Variants in GRID2 observed in about 807,000 individuals in gnomAD.
GRID2 encodes glutamate ionotropic receptor delta type subunit 2.
A neutral mutation model predicts 114.8 loss-of-function variants in GRID2; 33 were observed. The observed-to-expected ratio is 0.29, with a 90% CI of 0.22 to 0.38. The LOEUF (loss-of-function observed/expected upper bound fraction) is 0.38. Ranked by LOEUF, GRID2 falls within the 10% of genes least tolerant of loss-of-function variation. GRID2 has a pLI of 1.00. For synonymous variants in GRID2, 505 were observed against 449.9 expected, an observed-to-expected ratio of 1.12 and a Z score of -1.55; for missense variants, 1,184 against 1,257.7, an observed-to-expected ratio of 0.94 and a Z score of 0.89.
intron 1 of GRID2, among the ~76,000 whole-genome samples, chr4:92,380,299 G>GA (rs563466258): frequency 8.7e-5 from 13 of 149,622 alleles, no homozygotes; most frequent in East Asian, 3.9e-4. Context: ...TATTCCAAAT[G>GA]AAAAAAAAAT....
intron 9 of GRID2, among the ~76,000 whole-genome samples, chr4:93,412,497 A>T (rs72884557): frequency 2.3e-3 from 357 of 152,318 alleles, no homozygotes; most frequent in African/African-American, 8.1e-3. Flanking sequence ...ATACTTGTGC[A>T]CATTTATGCT....
At chr4:93,172,179 G>A (rs1307073489) in intron 4 of GRID2, among the ~76,000 whole-genome samples, 1 of 152,128 alleles carries the variant, frequency 6.6e-6, no homozygotes, top group Non-Finnish European at 1.5e-5. Flanking sequence ...CATTACCAGT[G>A]ATGTGTTCTT....
chr4:93,514,422 T>TACAAACAC (rs1729490375), intron 12 of GRID2, among the ~76,000 whole-genome samples: 1 of 139,662 alleles, frequency 7.2e-6, no homozygotes, highest in Non-Finnish European at 1.5e-5. Flanking sequence ...ACCTCCACAG[T>TACAAACAC]ACACACACAC....
At chr4:93,170,856 T>C (rs1738743688) in intron 4 of GRID2, among the ~76,000 whole-genome samples, 1 of 144,820 alleles carries the variant, frequency 6.9e-6, no homozygotes, top group Admixed American at 6.9e-5. Flanking sequence ...GTTTGATTCT[T>C]TTTTTTTTTT....
Position 93,340,465 on chromosome 4 carries a change from C to T in GRID2, c.1246-55142C>T, listed in dbSNP as rs997065084. On this transcript the variant is annotated intron_variant, in intron 8 of 15. Coordinates refer to ENST00000282020, the MANE Select transcript of GRID2 (RefSeq NM_001510.4). ...TCATTTTAATCTTACCTTTAGGGAG[C>T]CATATATACTTGAATCTCTCTGAAG... Among the ~76,000 whole-genome samples, 8 of 151,904 alleles carry T rather than the reference C, an allele frequency of 5.3e-5. No individual in the cohort carries two copies. In the East Asian group the frequency reaches 1.4e-3, roughly 26 times the overall value.
intron 2 of GRID2, among the ~76,000 whole-genome samples, chr4:92,862,091 A>G (rs966852459): frequency 6.6e-5 from 10 of 152,158 alleles, no homozygotes; most frequent in African/African-American, 2.4e-4. Flanking sequence ...GAATTGTCTT[A>G]CAGGGCATGG....
intron 2 of GRID2, among the ~76,000 whole-genome samples, chr4:92,938,738 C>T (rs1214904709): frequency 7.0e-6 from 1 of 142,590 alleles, no homozygotes; most frequent in Non-Finnish European, 1.5e-5. Flanking sequence ...CAACAGTCCC[C>T]AGAGTGTGAT....
chr4:92,811,792 A>T (rs1032855272), intron 2 of GRID2, among the ~76,000 whole-genome samples: 9 of 152,252 alleles, frequency 5.9e-5, no homozygotes, highest in African/African-American at 2.2e-4. Context: ...AACAATGTGA[A>T]TATCATTGAA....
chr4:92,317,025 A>G (rs570198365), intron 1 of GRID2, among the ~76,000 whole-genome samples: 11 of 152,290 alleles, frequency 7.2e-5, no homozygotes, highest in Admixed American at 2.6e-4. Flanking sequence ...AGGCGTTAAG[A>G]TGTGGTTATT....
At chr4:92,840,140 C>T (rs557955860) in intron 2 of GRID2, among the ~76,000 whole-genome samples, 5 of 152,010 alleles carry the variant, frequency 3.3e-5, no homozygotes, top group Non-Finnish European at 7.4e-5. Flanking sequence ...TATAGTGACT[C>T]CTGCTTATAT....
At chr4:92,759,788 CTT>C (rs1219858644) in intron 2 of GRID2, among the ~76,000 whole-genome samples, 5 of 138,548 alleles carry the variant, frequency 3.6e-5, no homozygotes, top group Non-Finnish European at 1.5e-5. Context: ...TCTTCTTCTT[CTT>C]TTTTTTTTTT....
At chr4:92,796,716 G>T (rs139943703) in intron 2 of GRID2, among the ~76,000 whole-genome samples, 1 of 151,786 alleles carries the variant, frequency 6.6e-6, no homozygotes, top group Non-Finnish European at 1.5e-5. Context: ...CTCTTGGTTG[G>T]CAGATGCTGC....
intron 14 of GRID2, among the ~76,000 whole-genome samples, chr4:93,646,320 A>G (rs6836410): frequency 0.11 from 16,877 of 152,200 alleles, 1,002 homozygotes; most frequent in Middle Eastern, 0.14. Context: ...CCTCAAATGG[A>G]AATTTTGGAG....
chr4:92,439,582 G>A (rs867540549), intron 1 of GRID2, among the ~76,000 whole-genome samples: 23 of 149,340 alleles, frequency 1.5e-4, no homozygotes, highest in Admixed American at 6.0e-4. Context: ...CTGAAGGGAG[G>A]TCTTGTGGTA....
At chr4:92,639,153 T>G (rs1731224031) in intron 2 of GRID2, among the ~76,000 whole-genome samples, 1 of 151,666 alleles carries the variant, frequency 6.6e-6, no homozygotes, top group Non-Finnish European at 1.5e-5. Flanking sequence ...TAGAAAGACT[T>G]TATTTGTTAT....
At chr4:93,009,095 A>G (rs1721855220) in intron 2 of GRID2, among the ~76,000 whole-genome samples, 1 of 152,024 alleles carries the variant, frequency 6.6e-6, no homozygotes, top group African/African-American at 2.4e-5. Flanking sequence ...GCATGAAAAC[A>G]AAGAAATGTT....
intron 1 of GRID2, among the ~76,000 whole-genome samples, chr4:92,402,106 C>T (rs145498376): frequency 2.8e-4 from 42 of 152,216 alleles, no homozygotes; most frequent in Non-Finnish European, 5.3e-4. Context: ...TACTTCTTAT[C>T]TATTCAAGTT....
At chr4:93,323,268 T>A (rs1481056722) in intron 8 of GRID2, among the ~76,000 whole-genome samples, 1 of 152,216 alleles carries the variant, frequency 6.6e-6, no homozygotes, top group Non-Finnish European at 1.5e-5. Flanking sequence ...TACATATGGC[T>A]AGCCAGTTTT....
chr4:93,376,993 T>C (rs1291937301), intron 8 of GRID2, among the ~76,000 whole-genome samples: 1 of 152,156 alleles, frequency 6.6e-6, no homozygotes, highest in Non-Finnish European at 1.5e-5. Flanking sequence ...TAAAAATAAA[T>C]TATTCTAAAT....
Sources: allele counts gnomAD v4.1 joint callset (sites outside exome capture counted in the v4.1 genomes callset), GRCh38; gene constraint gnomAD v4.1.1; transcripts MANE v1.5; gene names NCBI Gene and HGNC (gene_info 2026-07-23, HGNC 2026-07-21).